MLYCD: variants seen among roughly 807,000 people sequenced by gnomAD.
MLYCD encodes the protein malonyl-CoA decarboxylase, mitochondrial.
A neutral mutation model predicts 35.8 loss-of-function variants in MLYCD; 27 were observed. That is an observed-to-expected ratio of 0.75 (90% CI 0.56 to 1.04). MLYCD has a LOEUF of 1.04. MLYCD is among the 50% of genes least tolerant of loss of function. The probability of loss-of-function intolerance (pLI) is 0.00; values close to 1 mark genes in which losing one functional copy is unlikely to be tolerated. For missense variants in MLYCD, 917 were observed against 665.1 expected (o/e 1.38, Z -4.17); for synonymous variants, 403 against 302.4 (o/e 1.33, Z -3.45).
intron 4 of MLYCD, 30 bp downstream of exon 4, chr16:83,912,397 G>T (rs752432505): frequency 5.0e-6 from 8 of 1,613,752 alleles, no homozygotes; most frequent in Non-Finnish European, 6.8e-6. Context: ...CCCCGGTCAC[G>T]CTTGGCTTCC....
chr16:83,915,736 G>T lies in MLYCD; in HGVS notation c.*247G>T. ...TGAGTGGGTTGCTGTGCTGTCTCCG[G>T]AAGATTCTGTCGTTGCCCTTGGCCT... is the stretch of plus-strand genomic sequence containing the variant. On this transcript the variant is annotated 3_prime_UTR_variant, in exon 5 of 5. Coordinates refer to ENST00000262430, the MANE Select transcript of MLYCD (RefSeq NM_012213.3). 2.2e-6 allele frequency: 3 copies of T among 1,388,148 alleles called. No homozygotes were observed. Among genetic ancestry groups the T allele is most frequent in the Non-Finnish European group, 2.8e-6 (3 of 1,067,870 alleles). 86.0% of individuals were successfully genotyped at this position (1,388,148 alleles called of 1,614,324 possible). A position where few individuals can be genotyped will look rare whatever the true frequency, so the allele number is the denominator to read the frequency against.
chr16:83,909,201 G>A (rs949938855), intron 3 of MLYCD, among the ~76,000 whole-genome samples: 1 of 152,162 alleles, frequency 6.6e-6, no homozygotes, highest in African/African-American at 2.4e-5. Flanking sequence ...AATTCAGAAT[G>A]TGCATTCCTT....
At chr16:83,911,674 A>G (rs1907184243) in intron 3 of MLYCD, 1 of 157,226 alleles carries the variant, frequency 6.4e-6, no homozygotes, top group African/African-American at 2.4e-5. Flanking sequence ...CACAAAACCC[A>G]AAAGGTACAT....
chr16:83,914,448 G>A, intron 4 of MLYCD: 1 of 214,112 alleles, frequency 4.7e-6, no homozygotes, highest in Non-Finnish European at 9.5e-6. Flanking sequence ...CCTGCAGTGA[G>A]TAGCTGCAGT....
At position 83,899,797 on chromosome 16, in the gene MLYCD, G is replaced by T. The variant is rs1056986063; in HGVS notation, c.528+125G>T. 1.2e-5 allele frequency: 14 copies of T among 1,201,752 alleles called. No individual in the cohort carries two copies. The Admixed American group carries it at 2.8e-4, about 24-fold the overall frequency. The allele number at this position is 1,201,752 out of a possible 1,614,324, so 74.4% of individuals were successfully genotyped here. On this transcript the variant is annotated intron_variant, in intron 1 of 4. Coordinates refer to ENST00000262430, the MANE Select transcript of MLYCD (RefSeq NM_012213.3). The stretch of plus-strand genomic sequence containing the variant: ...GCCCGATAGCACGCTCACTTCGCCC[G>T]CAGTTACCGCCTGCCAACTGTGTCC...
intron 2 of MLYCD, among the ~76,000 whole-genome samples, chr16:83,907,757 G>A (rs1907032993): frequency 6.6e-6 from 1 of 152,174 alleles, no homozygotes. Flanking sequence ...CACCAGATGA[G>A]CCCCCTGATT....
chr16:83,917,022 A>C lies in MLYCD; in HGVS notation c.*1533A>C, dbSNP rs1480998311. The C allele has an allele frequency of 1.8e-5, 2 of 110,230 alleles. No homozygotes were observed. The highest frequency in any genetic ancestry group is 3.6e-5 in the Non-Finnish European group (2 of 55,576). The allele number at this position is 110,230 out of a possible 1,614,324, so 6.8% of individuals were successfully genotyped here. ...CACGAGCGTCTCTGTGTGTCAGTGC[A>C]CGTCTGTGTGCGTGTGCACAAGCGT... is the stretch of plus-strand genomic sequence containing the variant. On this transcript the variant is annotated 3_prime_UTR_variant, in exon 5 of 5. Transcript: ENST00000262430.
chr16:83,906,007 A>G (rs923649497), intron 1 of MLYCD, among the ~76,000 whole-genome samples: 1 of 152,210 alleles, frequency 6.6e-6, no homozygotes, highest in African/African-American at 2.4e-5. Flanking sequence ...TAAGTGAGGC[A>G]AAATTAGGAT....
chr16:83,899,589 G>C lies in MLYCD; in HGVS notation c.445G>C (p.Gly149Arg). ...GLFHHISKLDGGVRFLVQLRA... is the reference protein window; with the variant it reads ...GLFHHISKLDRGVRFLVQLRA... ...CTTCCACCACATCAGCAAGCTGGACGGCGGCGTGCGCTTCCTGGTGCAGCT... is the reference window on the plus strand; with the variant it reads ...CTTCCACCACATCAGCAAGCTGGACCGCGGCGTGCGCTTCCTGGTGCAGCT... The change falls in exon 1 of 5, where the codon GGC (glycine) becomes CGC (arginine). Residue 149 changes from glycine (G) to arginine (R), a missense_variant. Physicochemically the swap from Gly to Arg is moderately radical, Grantham distance 125. Transcript: ENST00000262430. The C allele has an allele frequency of 6.3e-7, 1 of 1,589,468 alleles. No individual in the cohort carries two copies. Among genetic ancestry groups the C allele is most frequent in the Middle Eastern group, 1.7e-4 (1 of 5,856 alleles).
intron 1 of MLYCD, among the ~76,000 whole-genome samples, chr16:83,903,113 T>C (rs988510384): frequency 3.9e-5 from 6 of 152,156 alleles, no homozygotes; most frequent in Non-Finnish European, 7.3e-5. Context: ...TTGTGGGCAC[T>C]CGAGGAAGGT....
At chr16:83,914,901 C>T in intron 4 of MLYCD, 55 bp from the exon 5 acceptor site, 3 of 1,612,580 alleles carry the variant, frequency 1.9e-6, no homozygotes, top group Non-Finnish European at 2.5e-6. Flanking sequence ...TGGTAACGTA[C>T]CTGCTGAATT....
In MLYCD at chr16:83,920,787, C is replaced by T. The variant is rs1907626098; in HGVS notation, c.*5298C>T. 1 of 152,260 alleles carries T rather than the reference C, an allele frequency of 6.6e-6. No homozygotes were observed. Among genetic ancestry groups the T allele is most frequent in the Non-Finnish European group, 1.5e-5 (1 of 68,052 alleles). The allele number at this position is 152,260 out of a possible 1,614,324, so 9.4% of individuals were successfully genotyped here. A position where few individuals can be genotyped will look rare whatever the true frequency, so the allele number is the denominator to read the frequency against. On this transcript the variant is annotated 3_prime_UTR_variant, in exon 5 of 5. Coordinates refer to ENST00000262430, the MANE Select transcript of MLYCD (RefSeq NM_012213.3). Reference sequence around the variant, plus strand: ...AACCTACAGACCTATCACCCAGCTTCCACAGTCATCAGTGGTTTTCTGTTT... The same window carrying T: ...AACCTACAGACCTATCACCCAGCTTTCACAGTCATCAGTGGTTTTCTGTTT...
At position 83,916,299 on chromosome 16, in the gene MLYCD, C is replaced by G. The variant is rs561169752; in HGVS notation, c.*810C>G. 1.1e-4 allele frequency: 73 copies of G among 660,032 alleles called. 1 individual carries two copies. In the South Asian group the frequency reaches 4.4e-3, roughly 40 times the overall value. The allele number at this position is 660,032 out of a possible 1,614,324, so 40.9% of individuals were successfully genotyped here. On this transcript the variant is annotated 3_prime_UTR_variant, in exon 5 of 5. Coordinates refer to ENST00000262430, the MANE Select transcript of MLYCD (RefSeq NM_012213.3). ...GAGCCTGGGGTGTGTTGGATGAGAACAAAGGTGAAGGAAGGGGCAGTCATT... is the reference window on the plus strand; with the variant it reads ...GAGCCTGGGGTGTGTTGGATGAGAAGAAAGGTGAAGGAAGGGGCAGTCATT...
rs545561186 is a variant in MLYCD, at chr16:83,902,730, T to C, written c.528+3058T>C. Among the ~76,000 whole-genome samples the C allele has an allele frequency of 4.6e-5, 7 of 152,292 alleles. 1 individual carries two copies. The highest frequency in any genetic ancestry group is 1.9e-4 in the East Asian group (1 of 5,184). On this transcript the variant is annotated intron_variant, in intron 1 of 4. Transcript: ENST00000262430. ...TATGTTGGCCAGGCTGGTCTGGAAC[T>C]CCTGACCTCAGATGATCCGCCCGCC...
In MLYCD at chr16:83,920,353, G is replaced by C. The variant is rs1254048001; in HGVS notation, c.*4864G>C. On this transcript the variant is annotated 3_prime_UTR_variant, in exon 5 of 5. Coordinates refer to ENST00000262430, the MANE Select transcript of MLYCD (RefSeq NM_012213.3). ...TTTGACTAGCAGCTCATCTCACCAGGCTGAGGTCGCTGCCTGTGAACAGTT... is the reference window on the plus strand; with the variant it reads ...TTTGACTAGCAGCTCATCTCACCAGCCTGAGGTCGCTGCCTGTGAACAGTT... 1 of 152,172 alleles carries C rather than the reference G, an allele frequency of 6.6e-6. No individual in the cohort carries two copies. The highest frequency in any genetic ancestry group is 2.4e-5 in the African/African-American group (1 of 41,446). The allele number at this position is 152,172 out of a possible 1,614,324, so 9.4% of individuals were successfully genotyped here.
rs143929508 is a variant in MLYCD at position 83,917,380 on chromosome 16, C to T, written c.*1891C>T. On this transcript the variant is annotated 3_prime_UTR_variant, in exon 5 of 5. Coordinates refer to ENST00000262430, the MANE Select transcript of MLYCD (RefSeq NM_012213.3). ...CAGTGCACGTCTGTGCATGTGCACA[C>T]GTGCATGTGCATGTGCTTACACGTC... The T allele has an allele frequency of 1.3e-5, 2 of 154,622 alleles. No individual in the cohort carries two copies. The highest frequency in any genetic ancestry group is 1.9e-4 in the East Asian group (1 of 5,174). The allele number at this position is 154,622 out of a possible 1,614,324, so 9.6% of individuals were successfully genotyped here.
In MLYCD at chr16:83,907,025, G is replaced by GTT. The variant is rs1401214336; in HGVS notation, c.570_571dup (p.Ser191PhefsTer6). ...TGCTGAAAGGAATGCTCTCAGAATGGTTTTCCTCCGGGTTCCTGAACCTAG... is the reference window on the plus strand; with the variant it reads ...TGCTGAAAGGAATGCTCTCAGAATGGTTTTTTCCTCCGGGTTCCTGAACCTAG... On this transcript the variant is annotated frameshift_variant, in exon 2 of 5. Transcript: ENST00000262430. LOFTEE classifies it high-confidence loss of function. 5 of 1,614,094 alleles carry GTT rather than the reference G, an allele frequency of 3.1e-6. No homozygotes were observed. The highest frequency in any genetic ancestry group is 1.7e-5 in the Admixed American group (1 of 60,024).
In MLYCD at chr16:83,910,331, TA is replaced by T. The variant is rs369927461; in HGVS notation, c.799-1879del. Among the ~76,000 whole-genome samples, 4 of 151,696 alleles carry T rather than the reference TA, an allele frequency of 2.6e-5. No individual in the cohort carries two copies. In the East Asian group the frequency reaches 7.7e-4, roughly 29 times the overall value. On this transcript the variant is annotated intron_variant, in intron 3 of 4. Coordinates refer to ENST00000262430, the MANE Select transcript of MLYCD (RefSeq NM_012213.3). ...AAGTTTTGTTTTTATTTTGAAAACT[TA>T]AAAAAAAGATTGCTGGGATTTTTGC...
At chr16:83,905,583 G>A (rs1425383584) in intron 1 of MLYCD, among the ~76,000 whole-genome samples, 1 of 152,164 alleles carries the variant, frequency 6.6e-6, no homozygotes, top group Non-Finnish European at 1.5e-5. Context: ...GCCCAGGATG[G>A]CTGCTCCAAT....
Sources: allele counts gnomAD v4.1 joint callset (sites outside exome capture counted in the v4.1 genomes callset), GRCh38; gene constraint gnomAD v4.1.1; transcripts MANE v1.5; gene names NCBI Gene and HGNC (gene_info 2026-07-23, HGNC 2026-07-21).